SLIT1: variants seen among roughly 807,000 people sequenced by gnomAD.
SLIT1 encodes the protein slit guidance ligand 1.
In SLIT1, 66 loss-of-function variants were observed where a neutral mutation model predicts 186.1. The observed-to-expected ratio is 0.35, with a 90% CI of 0.29 to 0.44. The LOEUF (loss-of-function observed/expected upper bound fraction) is 0.44, where lower values mean the gene tolerates loss of function less well. Among genes scored for constraint, SLIT1 ranks in the 20% least tolerant of loss-of-function variants. The pLI is 1.00. For missense variants in SLIT1, 1,638 were observed against 2,037.4 expected, an observed-to-expected ratio of 0.80 and a Z score of 3.77; for synonymous variants, 761 against 833.8, an observed-to-expected ratio of 0.91 and a Z score of 1.50.
At chr10:97,063,220 G>C (rs907099183) in intron 8 of SLIT1, among the ~76,000 whole-genome samples, 1 of 151,992 alleles carries the variant, frequency 6.6e-6, no homozygotes, top group Non-Finnish European at 1.5e-5. Flanking sequence ...GGAGGTGATG[G>C]ATGGGGCAGG....
intron 22 of SLIT1, among the ~76,000 whole-genome samples, chr10:97,036,173 G>T (rs144137671): frequency 6.6e-6 from 1 of 152,148 alleles, no homozygotes; most frequent in African/African-American, 2.4e-5. Context: ...CCTCCTGAAC[G>T]TTCCTCTAAT....
intron 4 of SLIT1, among the ~76,000 whole-genome samples, chr10:97,129,383 CAA>C (rs57535501): frequency 0.59 from 81,678 of 137,326 alleles, 24,246 homozygotes; most frequent in Non-Finnish European, 0.68. Flanking sequence ...GACTGTGTCT[CAA>C]AAAAAAAAAA....
intron 4 of SLIT1, chr10:97,102,435 A>AG (rs1003469592): frequency 2.1e-5 from 3 of 141,860 alleles, no homozygotes; most frequent in South Asian, 2.2e-4. Flanking sequence ...AAAAAAAAAA[A>AG]AAAGAAAGAA....
intron 4 of SLIT1, among the ~76,000 whole-genome samples, chr10:97,142,841 C>T (rs570093704): frequency 2.0e-4 from 30 of 152,194 alleles, no homozygotes; most frequent in East Asian, 1.3e-3. Context: ...AAAGATGATA[C>T]GCAAATAACC....
chr10:97,066,135 T>C lies in SLIT1; in HGVS notation c.414-49A>G, dbSNP rs200377279. On this transcript the variant is annotated intron_variant, in intron 4 of 36. Coordinates refer to ENST00000266058, the MANE Select transcript of SLIT1 (RefSeq NM_003061.3). ...GAGAAAACACCGGTCAGAAAAGAGG[T>C]TCCTGCAGAGTGCTGTGATAAGTCA... 4.9e-6 allele frequency: 7 copies of C among 1,443,210 alleles called. No homozygotes were observed. In the Admixed American group the frequency reaches 1.3e-4, roughly 28 times the overall value. 89.4% of individuals were successfully genotyped at this position (1,443,210 alleles called of 1,614,324 possible). A position where few individuals can be genotyped will look rare whatever the true frequency, so the allele number is the denominator to read the frequency against.
intron 4 of SLIT1, among the ~76,000 whole-genome samples, chr10:97,139,037 G>A (rs772727742): frequency 3.8e-4 from 58 of 152,244 alleles, no homozygotes; most frequent in Non-Finnish European, 7.6e-4. Context: ...AATGACTGCA[G>A]GCAGCAGGCT....
chr10:97,155,421 A>AGGAG (rs1260003238), intron 4 of SLIT1: 1 of 152,274 alleles, frequency 6.6e-6, no homozygotes, highest in Non-Finnish European at 1.5e-5. Context: ...ACTCGAGTAA[A>AGGAG]GGAGGGAGGG....
Position 97,001,252 on chromosome 10 carries a change from G to A in SLIT1, c.4465C>T (p.Arg1489Trp), listed in dbSNP as rs765997587. 13 of 1,613,188 alleles carry A rather than the reference G, an allele frequency of 8.1e-6. No individual in the cohort carries two copies. The highest frequency in any genetic ancestry group is 2.2e-5 in the East Asian group (1 of 44,880). The change falls in exon 37 of 37, where the codon CGG becomes TGG. Residue 1489 changes from arginine to tryptophan, a missense_variant. Physicochemically the swap from Arg to Trp is moderately radical, Grantham distance 101. Around this residue, in one of 3 missense-constraint regions of SLIT1, gnomAD observed 220 missense variants for 211.3 expected, o/e 1.04. Coordinates refer to ENST00000266058, the MANE Select transcript of SLIT1 (RefSeq NM_003061.3). ...CAGCCCTGGCCTGGGCACGAGCCCC[G>A]GCACTCCACCCATGACAGGGGGCGC... The part of the protein sequence containing the change: ...TTRPLSWVEC[R>W]GSCPGQGCCQ...
At chr10:97,054,753 C>A (rs776658994) in intron 13 of SLIT1, among the ~76,000 whole-genome samples, 23 of 152,140 alleles carry the variant, frequency 1.5e-4, no homozygotes, top group Non-Finnish European at 3.1e-4. Flanking sequence ...AAAGTCTAGA[C>A]CCTACAGAAC....
In SLIT1 at chr10:97,006,400, AGGGATGTATCCTGATGCTCT is replaced by A; in HGVS notation, c.3579+63_3579+82del. On this transcript the variant is annotated intron_variant, in intron 32 of 36. Coordinates refer to ENST00000266058, the MANE Select transcript of SLIT1 (RefSeq NM_003061.3). The surrounding 1 kb of genome is among the most constrained non-coding windows in gnomAD (Gnocchi z 4.0). ...CCTTCCAGTTCCCCAGGCACCATGC[AGGGATGTATCCTGATGCTCT>A]GGCCTAAGCCAGGGTCGCCTGCTCC... The A allele has an allele frequency of 1.1e-6, 1 of 904,866 alleles. No individual in the cohort carries two copies. 56.1% of individuals were successfully genotyped at this position (904,866 alleles called of 1,614,324 possible).
At chr10:97,156,254 A>G (rs1468487282) in intron 4 of SLIT1, among the ~76,000 whole-genome samples, 1 of 152,184 alleles carries the variant, frequency 6.6e-6, no homozygotes, top group South Asian at 2.1e-4. Context: ...AGACCATTCC[A>G]ACAGACTGAA....
At chr10:97,117,020 A>G (rs1849515627) in intron 4 of SLIT1, among the ~76,000 whole-genome samples, 1 of 152,074 alleles carries the variant, frequency 6.6e-6, no homozygotes. Flanking sequence ...TCAGTACCCA[A>G]CACTGTTTTC....
chr10:97,018,639 G>T lies in SLIT1; in HGVS notation c.2916C>A (p.Pro972=). ...EVSLDSCSSG[P]CENGGTCHAQ... ...CATGGCAGGTGCCCCCATTTTCACA[G>T]GGGCCACTGGAACAGCTGTCCAGGG... is the stretch of plus-strand genomic sequence containing the variant. Residue 972 remains proline (P), a synonymous_variant, in exon 28 of 37, where the codon CCC becomes CCA. Coordinates refer to ENST00000266058, the MANE Select transcript of SLIT1 (RefSeq NM_003061.3). 6.3e-7 allele frequency: 1 copy of T among 1,596,234 alleles called. No homozygotes were observed. Among genetic ancestry groups the T allele is most frequent in the African/African-American group, 1.3e-5 (1 of 74,650 alleles).
intron 4 of SLIT1, among the ~76,000 whole-genome samples, chr10:97,077,377 G>A (rs1369730482): frequency 6.6e-6 from 1 of 152,072 alleles, no homozygotes; most frequent in Non-Finnish European, 1.5e-5. Context: ...CTAATCCTGG[G>A]TGCTCTCCTG....
At chr10:97,040,231 A>G in intron 20 of SLIT1, 111 bp from the exon 21 acceptor site, 1 of 1,163,980 alleles carries the variant, frequency 8.6e-7, no homozygotes, top group South Asian at 1.7e-5. Context: ...CCCCTCTGAC[A>G]GTACCTTGGC....
At chr10:97,167,651 C>T (rs554542439) in intron 1 of SLIT1, among the ~76,000 whole-genome samples, 25 of 152,268 alleles carry the variant, frequency 1.6e-4, no homozygotes, top group East Asian at 1.9e-4. Flanking sequence ...TTCTAAGAGC[C>T]GGCTTGATAT....
chr10:97,002,662 A>T, intron 35 of SLIT1, 42 bp downstream of exon 35: 1 of 1,507,022 alleles, frequency 6.6e-7, no homozygotes, highest in Non-Finnish European at 8.9e-7. Flanking sequence ...GGGAAGGAAC[A>T]GGTAGGCAGG....
chr10:97,185,328 G>C, intron 1 of SLIT1, 150 bp downstream of exon 1: 1 of 749,802 alleles, frequency 1.3e-6, no homozygotes, highest in South Asian at 1.9e-5. Flanking sequence ...CTCCTGGCTC[G>C]GGAAAGACCC....
chr10:97,053,007 G>C (rs1279511914), intron 13 of SLIT1, among the ~76,000 whole-genome samples: 1 of 152,136 alleles, frequency 6.6e-6, no homozygotes, highest in East Asian at 1.9e-4. Flanking sequence ...GTAATTTCTT[G>C]GTGATGGCGA....
Sources: allele counts gnomAD v4.1 joint callset (sites outside exome capture counted in the v4.1 genomes callset), GRCh38; gene constraint gnomAD v4.1.1; regional missense constraint gnomAD v4.1.1; non-coding constraint Gnocchi (gnomAD v3.1); transcripts MANE v1.5; gene names NCBI Gene and HGNC (gene_info 2026-07-23, HGNC 2026-07-21).